MAD1L1: variants seen among roughly 807,000 people sequenced by gnomAD.
MAD1L1 encodes mitotic spindle assembly checkpoint protein MAD1.
A neutral mutation model predicts 96.9 loss-of-function variants in MAD1L1; 95 were observed. That is an observed-to-expected ratio of 0.98 (90% CI 0.83 to 1.16). The LOEUF is 1.16. MAD1L1 is among the 50% of genes most tolerant of loss of function. The pLI, the probability that MAD1L1 is intolerant of heterozygous loss-of-function variation, is 0.00. For missense variants in MAD1L1, 1,007 were observed against 954.4 expected (o/e 1.06, Z -0.73); for synonymous variants, 473 against 396.6 (o/e 1.19, Z -2.29).
intron 10 of MAD1L1, among the ~76,000 whole-genome samples, chr7:2,208,681 A>AT (rs1792723738): frequency 6.6e-6 from 1 of 152,028 alleles, no homozygotes; most frequent in South Asian, 2.1e-4. Context: ...GAAACAGGTG[A>AT]TTTTCCAAAG....
intron 11 of MAD1L1, among the ~76,000 whole-genome samples, chr7:2,139,997 C>A (rs867620340): frequency 1.3e-5 from 2 of 148,870 alleles, no homozygotes; most frequent in Non-Finnish European, 1.5e-5. Context: ...CCCCGCCCCC[C>A]CCCAGTCCCT....
chr7:1,825,971 G>A (rs1378899226), intron 18 of MAD1L1, among the ~76,000 whole-genome samples: 5 of 152,166 alleles, frequency 3.3e-5, no homozygotes, highest in African/African-American at 4.8e-5. Flanking sequence ...CCCAGGGTTG[G>A]AGGTCGGCGC....
intron 11 of MAD1L1, among the ~76,000 whole-genome samples, chr7:2,074,353 T>C (rs1312644412): frequency 1.3e-5 from 2 of 150,510 alleles, no homozygotes; most frequent in African/African-American, 4.9e-5. Flanking sequence ...AGGAAGCAGC[T>C]CCCAGCCCTT....
intron 11 of MAD1L1, among the ~76,000 whole-genome samples, chr7:2,081,413 A>G (rs541198340): frequency 1.3e-5 from 2 of 152,288 alleles, no homozygotes; most frequent in South Asian, 4.2e-4. Context: ...ACACTTCTCC[A>G]ATTTCCAGAA....
chr7:1,937,606 A>C (rs377277065), intron 16 of MAD1L1, among the ~76,000 whole-genome samples: 59 of 150,246 alleles, frequency 3.9e-4, no homozygotes, highest in Non-Finnish European at 7.3e-4. Context: ...ACAGCCGCCC[A>C]CAGCAGGGGA....
intron 12 of MAD1L1, among the ~76,000 whole-genome samples, chr7:2,039,843 C>A (rs1043613454): frequency 6.6e-6 from 1 of 151,820 alleles, no homozygotes; most frequent in Non-Finnish European, 1.5e-5. Flanking sequence ...GGAACTTTCA[C>A]GGGGCAAAAA....
rs557145126 is a variant in MAD1L1 at position 2,017,539 on chromosome 7, G to A, written c.1219-2897C>T. 1.9e-4 allele frequency among the ~76,000 whole-genome samples: 29 copies of A among 152,310 alleles called. 1 individual carries two copies. The South Asian group carries it at 5.4e-3, about 28-fold the overall frequency. ...AGAGGGCGGCTCTGCCCTGGCCTGC[G>A]ATAGTCGGGCAGAGGGGCTGCTCAC... On this transcript the variant is annotated intron_variant, in intron 12 of 18. Coordinates refer to ENST00000265854, the MANE Select transcript of MAD1L1 (RefSeq NM_001013836.2).
At chr7:2,024,830 A>G (rs961472005) in intron 12 of MAD1L1, among the ~76,000 whole-genome samples, 2 of 152,256 alleles carry the variant, frequency 1.3e-5, no homozygotes, top group Non-Finnish European at 2.9e-5. Flanking sequence ...CCAAAAAGGA[A>G]AGCACCAGAC....
intron 18 of MAD1L1, among the ~76,000 whole-genome samples, chr7:1,867,952 G>A (rs1161472599): frequency 6.6e-6 from 1 of 152,198 alleles, no homozygotes; most frequent in Non-Finnish European, 1.5e-5. Context: ...TCCCTAATAC[G>A]GGGCGACAAC....
rs771486390 is a variant in MAD1L1 at position 2,188,694 on chromosome 7, A to G, written c.986+24518T>C. Among the ~76,000 whole-genome samples the G allele has an allele frequency of 3.0e-4, 46 of 152,318 alleles. 1 individual carries two copies. Among genetic ancestry groups the G allele is most frequent in the Middle Eastern group, 6.8e-3 (2 of 294 alleles). ...ACAAAAAATTAACCCAAAACAAATC[A>G]AAGACCTAAATGTAAGACCTAAAAC... On this transcript the variant is annotated intron_variant, in intron 10 of 18. Coordinates refer to ENST00000265854, the MANE Select transcript of MAD1L1 (RefSeq NM_001013836.2).
intron 11 of MAD1L1, among the ~76,000 whole-genome samples, chr7:2,133,430 T>C (rs190107588): frequency 6.6e-6 from 1 of 152,264 alleles, no homozygotes; most frequent in East Asian, 1.9e-4. Flanking sequence ...GAGTTCTTTG[T>C]ATAATTTGGA....
intron 17 of MAD1L1, among the ~76,000 whole-genome samples, chr7:1,933,649 G>C (rs1274567642): frequency 6.6e-6 from 1 of 152,182 alleles, no homozygotes; most frequent in Non-Finnish European, 1.5e-5. Context: ...TTTCTAAGAG[G>C]CTCCCAGGGA....
chr7:2,200,545 G>C (rs1297416636), intron 10 of MAD1L1: 1 of 152,296 alleles, frequency 6.6e-6, no homozygotes, highest in East Asian at 1.9e-4. Flanking sequence ...TGGGAGATCA[G>C]AGCTCTCTGC....
chr7:2,180,672 C>G (rs967824094), intron 10 of MAD1L1, among the ~76,000 whole-genome samples: 1 of 152,106 alleles, frequency 6.6e-6, no homozygotes, highest in Non-Finnish European at 1.5e-5. Flanking sequence ...TAATTGTTGT[C>G]AGATTGTTCA....
chr7:1,861,900 C>T (rs34196912), intron 18 of MAD1L1, among the ~76,000 whole-genome samples: 2,932 of 148,574 alleles, frequency 0.02, 114 homozygotes, highest in African/African-American at 0.073. Context: ...GACACTGCTC[C>T]GCCTGCCCCC....
At chr7:1,879,853 C>T (rs1433637536) in intron 18 of MAD1L1, among the ~76,000 whole-genome samples, 1 of 152,140 alleles carries the variant, frequency 6.6e-6, no homozygotes, top group Admixed American at 6.5e-5. Context: ...GCCTCAGACT[C>T]CCCAGTAGCT....
chr7:2,004,039 C>T (rs761726871), intron 13 of MAD1L1, among the ~76,000 whole-genome samples: 2 of 152,286 alleles, frequency 1.3e-5, no homozygotes, highest in East Asian at 3.9e-4. Flanking sequence ...GGAGCCGGGT[C>T]GGGGCATCCA....
In MAD1L1 at chr7:1,842,638, GCCTTCGT is replaced by G. The variant is rs1201119870; in HGVS notation, c.1999-26417_1999-26411del. 2.0e-5 allele frequency among the ~76,000 whole-genome samples: 3 copies of G among 152,254 alleles called. No homozygotes were observed. In the East Asian group the frequency reaches 5.8e-4, roughly 29 times the overall value. ...ATGCTTCTTCAGGTCCCCGAGGGAGGCCTTCGTCCTTCGTCCATCGCTGGGCCCATCA... is the reference window on the plus strand; with the variant it reads ...ATGCTTCTTCAGGTCCCCGAGGGAGGCCTTCGTCCATCGCTGGGCCCATCA... On this transcript the variant is annotated intron_variant, in intron 18 of 18. Transcript: ENST00000265854.
chr7:1,862,519 C>G (rs2128648255), intron 18 of MAD1L1, among the ~76,000 whole-genome samples: 1 of 152,344 alleles, frequency 6.6e-6, no homozygotes, highest in Admixed American at 6.5e-5. Flanking sequence ...TTGCCCCTCC[C>G]AAGCTGTGTG....
Sources: allele counts gnomAD v4.1 joint callset (sites outside exome capture counted in the v4.1 genomes callset), GRCh38; gene constraint gnomAD v4.1.1; transcripts MANE v1.5; gene names NCBI Gene and HGNC (gene_info 2026-07-23, HGNC 2026-07-21).